Variants in DNAJC16 observed in about 807,000 individuals in gnomAD.
DNAJC16 encodes the protein dnaJ homolog subfamily C member 16.
In DNAJC16, 76 loss-of-function variants were observed where a neutral mutation model predicts 92.7. That is an observed-to-expected ratio of 0.82 (90% CI 0.68 to 0.99). DNAJC16 has a LOEUF of 0.99. Among genes scored for constraint, DNAJC16 ranks in the 50% least tolerant of loss-of-function variants. DNAJC16 has a pLI of 0.00. For missense variants in DNAJC16, 869 were observed against 942.4 expected (o/e 0.92, Z 1.02); for synonymous variants, 328 against 358.7 (o/e 0.91, Z 0.97).
Position 15,547,751 on chromosome 1 carries a change from G to A in DNAJC16, c.865-519G>A, listed in dbSNP as rs475614. 5.4e-3 allele frequency among the ~76,000 whole-genome samples: 816 copies of A among 152,142 alleles called. 7 individuals are homozygous for A. Among genetic ancestry groups the A allele is most frequent in the African/African-American group, 0.018 (734 of 41,518 alleles). ...GCCACCACGCCTGGCCACTATCCCT[G>A]TTTGCATAGAGCAAGATACTGAGGC... On this transcript the variant is annotated intron_variant, in intron 6 of 14. Coordinates refer to ENST00000375847, the MANE Select transcript of DNAJC16 (RefSeq NM_015291.4).
At position 15,529,080 on chromosome 1, in the gene DNAJC16, C is replaced by A; in HGVS notation, c.-18-8C>A. On this transcript the variant is annotated splice_polypyrimidine_tract_variant and splice_region_variant and intron_variant, in intron 1 of 14. Transcript: ENST00000375847. Reference sequence around the variant, plus strand: ...CACTGAAACTCATTGCCTCTTCAATCATTTCAGCTCTGGAAAGGAAGAGAA... The same window carrying A: ...CACTGAAACTCATTGCCTCTTCAATAATTTCAGCTCTGGAAAGGAAGAGAA... The A allele has an allele frequency of 6.2e-7, 1 of 1,609,610 alleles. No individual in the cohort carries two copies. Among genetic ancestry groups the A allele is most frequent in the Non-Finnish European group, 8.5e-7 (1 of 1,177,658 alleles).
rs537169723 is a variant in DNAJC16, at chr1:15,536,563, G to A, written c.323G>A (p.Arg108Gln). Residue 108 changes from arginine to glutamine, a missense_variant, in exon 4 of 15, where the codon CGA (arginine) becomes CAA (glutamine). Arg to Gln is a conservative substitution (Grantham distance 43). Transcript: ENST00000375847. ...GGCTACCAGAAGCAGCAACAGCAGC[G>A]AGAGTATCGCTTCCGCCATTTCCAT... is the stretch of plus-strand genomic sequence containing the variant. ...NQGYQKQQQQ[R>Q]EYRFRHFHEN... is the part of the protein sequence containing the mutation. 4.1e-4 allele frequency: 666 copies of A among 1,614,154 alleles called. 7 individuals are homozygous for A. The South Asian group carries it at 6.6e-3, about 16-fold the overall frequency.
At chr1:15,547,056 T>G (rs1332386880) in intron 6 of DNAJC16, among the ~76,000 whole-genome samples, 185 bp downstream of exon 6, 1 of 152,100 alleles carries the variant, frequency 6.6e-6, no homozygotes, top group African/African-American at 2.4e-5. Context: ...CATTGAGTAC[T>G]GATTAATGCC....
rs1430298597 is a variant in DNAJC16, at chr1:15,569,160, G to A, written c.*983G>A. 4 of 154,444 alleles carry A rather than the reference G, an allele frequency of 2.6e-5. No individual in the cohort carries two copies. The highest frequency in any genetic ancestry group is 5.8e-5 in the Non-Finnish European group (4 of 69,366). The allele number at this position is 154,444 out of a possible 1,614,324, so 9.6% of individuals were successfully genotyped here. A position where few individuals can be genotyped will look rare whatever the true frequency, so the allele number is the denominator to read the frequency against. On this transcript the variant is annotated 3_prime_UTR_variant, in exon 15 of 15. Transcript: ENST00000375847. ...GAATCTCTTCAATAGTGTCTCTTTA[G>A]TAAAATACCAAACATGTCTTTGTAT...
chr1:15,532,818 G>T (rs919833551), intron 2 of DNAJC16, among the ~76,000 whole-genome samples: 1 of 152,068 alleles, frequency 6.6e-6, no homozygotes, highest in Non-Finnish European at 1.5e-5. Context: ...TCATAGCAAG[G>T]ATTAAATGGT....
At position 15,568,051 on chromosome 1, in the gene DNAJC16, A is replaced by T. The variant is rs1359389283; in HGVS notation, c.2223A>T (p.Lys741Asn). 6.2e-7 allele frequency: 1 copy of T among 1,614,072 alleles called. No individual in the cohort carries two copies. The highest frequency in any genetic ancestry group is 8.5e-7 in the Non-Finnish European group (1 of 1,180,036). Residue 741 changes from lysine to asparagine, a missense_variant, in exon 15 of 15, where the codon AAA becomes AAT. Transcript: ENST00000375847. Reference sequence around the variant, plus strand: ...TCTACCTGGGTGAATCTCGAGGGAAACCTTCCTGTGGCCTTGGATCCAGGC... The same window carrying T: ...TCTACCTGGGTGAATCTCGAGGGAATCCTTCCTGTGGCCTTGGATCCAGGC... ...SSLYLGESRG[K>N]PSCGLGSRPI...
chr1:15,566,991 A>G, intron 13 of DNAJC16, 108 bp from the exon 14 acceptor site: 1 of 1,041,832 alleles, frequency 9.6e-7, no homozygotes, highest in South Asian at 1.6e-5. Flanking sequence ...AGTGAATAAC[A>G]TACCTAGTCT....
chr1:15,562,198 C>G lies in DNAJC16; in HGVS notation c.1211C>G (p.Ala404Gly), dbSNP rs1638706013. 1.9e-6 allele frequency: 3 copies of G among 1,614,100 alleles called. No homozygotes were observed. Among genetic ancestry groups the G allele is most frequent in the Non-Finnish European group, 2.5e-6 (3 of 1,179,960 alleles). The part of the protein sequence containing the change: ...ETTKLSKPFE[A>G]FLSFALANTQ... The stretch of plus-strand genomic sequence containing the variant: ...ACCAAGTTGAGCAAACCCTTTGAGG[C>G]TTTCCTGTCCTTTGCCCTGGCAAAC... The change falls in exon 9 of 15, where the codon GCT becomes GGT. Residue 404 changes from alanine (A) to glycine (G), a missense_variant. By Grantham distance (60) the Ala-to-Gly change is moderately conservative. Coordinates refer to ENST00000375847, the MANE Select transcript of DNAJC16 (RefSeq NM_015291.4).
rs1638315738 is a variant in DNAJC16 at position 15,546,690 on chromosome 1, T to TTA, written c.760-75_760-74dup. Reference sequence around the variant, plus strand: ...AATCTTTTACACTTACTTGATTTGTTTATTTTCTCCTGACTGGAGTATAAT... The same window carrying TTA: ...AATCTTTTACACTTACTTGATTTGTTTATATTTTCTCCTGACTGGAGTATAAT... On this transcript the variant is annotated intron_variant, in intron 5 of 14. Coordinates refer to ENST00000375847, the MANE Select transcript of DNAJC16 (RefSeq NM_015291.4). The TTA allele has an allele frequency of 2.6e-6, 3 of 1,167,396 alleles. No homozygotes were observed. The East Asian group carries it at 7.6e-5, about 29-fold the overall frequency. The allele number at this position is 1,167,396 out of a possible 1,614,324, so 72.3% of individuals were successfully genotyped here. A position where few individuals can be genotyped will look rare whatever the true frequency, so the allele number is the denominator to read the frequency against.
At chr1:15,528,922 G>A (rs1419664554) in intron 1 of DNAJC16, among the ~76,000 whole-genome samples, 166 bp from the exon 2 acceptor site, 3 of 152,210 alleles carry the variant, frequency 2.0e-5, no homozygotes, top group African/African-American at 7.2e-5. Context: ...TTCAAAAGCA[G>A]TAGCGAGATT....
intron 4 of DNAJC16, among the ~76,000 whole-genome samples, chr1:15,542,518 C>T (rs1053103068): frequency 1.3e-5 from 2 of 152,148 alleles, no homozygotes; most frequent in African/African-American, 4.8e-5. Flanking sequence ...TAATGAGTAA[C>T]CATAAGGAAT....
Position 15,564,099 on chromosome 1 carries a change from T to C in DNAJC16, c.1509T>C (p.Asp503=). The stretch of plus-strand genomic sequence containing the variant: ...AAGCAGTGCTTCCTGACCTGACCGA[T>C]GAACTTGCCCCTGTGAGCATCGGGG... The part of the protein sequence containing the change: ...SSEAVLPDLT[D]ELAPVFLLRW... The change falls in exon 10 of 15, where the codon GAT becomes GAC. Residue 503 remains aspartate (D), a synonymous_variant. Coordinates refer to ENST00000375847, the MANE Select transcript of DNAJC16 (RefSeq NM_015291.4). 6.2e-7 allele frequency: 1 copy of C among 1,614,092 alleles called. No homozygotes were observed. The highest frequency in any genetic ancestry group is 8.5e-7 in the Non-Finnish European group (1 of 1,179,986).
At chr1:15,536,304 TC>T (rs1710782454) in intron 3 of DNAJC16, among the ~76,000 whole-genome samples, 170 bp from the exon 4 acceptor site, 1 of 152,038 alleles carries the variant, frequency 6.6e-6, no homozygotes, top group African/African-American at 2.4e-5. Context: ...GATCTCAAAC[TC>T]CCGACCTCAA....
At chr1:15,548,129 T>C in intron 6 of DNAJC16, 141 bp from the exon 7 acceptor site, 1 of 685,438 alleles carries the variant, frequency 1.5e-6, no homozygotes, top group Non-Finnish European at 2.4e-6. Context: ...AATGGAAGTA[T>C]ACAAGGATAC....
intron 7 of DNAJC16, 40 bp from the exon 8 acceptor site, chr1:15,559,486 A>C: frequency 6.2e-7 from 1 of 1,612,128 alleles, no homozygotes; most frequent in Non-Finnish European, 8.5e-7. Context: ...TGCATTGAGA[A>C]CACTGCATAA....
At chr1:15,566,654 T>C in intron 13 of DNAJC16, 1 of 175,454 alleles carries the variant, frequency 5.7e-6, no homozygotes. Context: ...GAGGCCTAGG[T>C]GGGAGGATTG....
chr1:15,559,776 A>G lies in DNAJC16; in HGVS notation c.1154+120A>G, dbSNP rs999730452. 18 of 1,409,400 alleles carry G rather than the reference A, an allele frequency of 1.3e-5. No homozygotes were observed. The African/African-American group carries it at 2.6e-4, about 20-fold the overall frequency. 87.3% of individuals were successfully genotyped at this position (1,409,400 alleles called of 1,614,324 possible). ...TGAGAACTTATTCTTCATTTAACAA[A>G]TACTGGGCCGGGCATGGTGGCTCAT... is the stretch of plus-strand genomic sequence containing the variant. On this transcript the variant is annotated intron_variant, in intron 8 of 14. Coordinates refer to ENST00000375847, the MANE Select transcript of DNAJC16 (RefSeq NM_015291.4).
intron 3 of DNAJC16, among the ~76,000 whole-genome samples, chr1:15,535,056 G>A (rs1323002868): frequency 1.3e-5 from 2 of 152,246 alleles, no homozygotes; most frequent in East Asian, 3.8e-4. Context: ...TATAGGGAAT[G>A]CCCTTCAGCA....
At chr1:15,541,550 A>C (rs1044650201) in intron 4 of DNAJC16, among the ~76,000 whole-genome samples, 1 of 152,178 alleles carries the variant, frequency 6.6e-6, no homozygotes, top group Non-Finnish European at 1.5e-5. Context: ...AGACTGCAAC[A>C]GTCAAAGTCA....
Sources: gnomAD v4.1 joint callset for allele counts (sites outside exome capture counted in the v4.1 genomes callset) on GRCh38, gnomAD v4.1.1 for gene constraint, MANE v1.5 for transcripts, NCBI Gene and HGNC (gene_info 2026-07-23, HGNC 2026-07-21) for gene names.